Variants in MARCHF3 observed in about 807,000 individuals in gnomAD.
The protein encoded by MARCHF3 is membrane associated ring-CH-type finger 3.
In MARCHF3, 13 loss-of-function variants were observed where a neutral mutation model predicts 24.2. The ratio of observed to expected loss-of-function variants is 0.54; its 90% confidence interval spans 0.35 to 0.85. MARCHF3 has a LOEUF of 0.85. Among genes scored for constraint, MARCHF3 ranks in the 40% least tolerant of loss-of-function variants. The probability of loss-of-function intolerance (pLI) is 0.01; values close to 1 mark genes in which losing one functional copy is unlikely to be tolerated. For synonymous variants in MARCHF3, 144 were observed against 137.3 expected, an observed-to-expected ratio of 1.05 and a Z score of -0.34; for missense variants, 276 against 325.0, an observed-to-expected ratio of 0.85 and a Z score of 1.16.
intron 1 of MARCHF3, among the ~76,000 whole-genome samples, chr5:126,959,674 C>G (rs1414355040): frequency 6.6e-6 from 1 of 152,076 alleles, no homozygotes; most frequent in East Asian, 1.9e-4. Flanking sequence ...GGGAAAATCC[C>G]TGTAATATCT....
At chr5:126,906,173 A>G (rs531731117) in intron 3 of MARCHF3, among the ~76,000 whole-genome samples, 2 of 151,030 alleles carry the variant, frequency 1.3e-5, no homozygotes, top group African/African-American at 2.4e-5. Flanking sequence ...AGCCCACTTG[A>G]TCATGGTGGA....
intron 3 of MARCHF3, among the ~76,000 whole-genome samples, chr5:126,909,079 C>T (rs1182138969): frequency 1.4e-4 from 22 of 152,158 alleles, no homozygotes; most frequent in Non-Finnish European, 2.2e-4. Context: ...AGTACCCGGC[C>T]GTGTGAGGTG....
intron 1 of MARCHF3, among the ~76,000 whole-genome samples, chr5:126,994,283 T>C (rs1296769198): frequency 6.6e-6 from 1 of 152,186 alleles, no homozygotes; most frequent in African/African-American, 2.4e-5. Flanking sequence ...TCCATTTATA[T>C]GACATCTTGG....
At chr5:126,969,312 C>T (rs1750919963) in intron 1 of MARCHF3, among the ~76,000 whole-genome samples, 4 of 152,134 alleles carry the variant, frequency 2.6e-5, no homozygotes, top group Admixed American at 6.5e-5. Context: ...TTTTGGTCTA[C>T]TTTAGGGTTT....
At position 126,869,252 on chromosome 5, in the gene MARCHF3, T is replaced by C. The variant is rs1752878306; in HGVS notation, c.*1381A>G. The C allele has an allele frequency of 6.6e-6, 1 of 152,206 alleles. No homozygotes were observed. The highest frequency in any genetic ancestry group is 1.5e-5 in the Non-Finnish European group (1 of 68,044). 9.4% of individuals were successfully genotyped at this position (152,206 alleles called of 1,614,324 possible). A position where few individuals can be genotyped will look rare whatever the true frequency, so the allele number is the denominator to read the frequency against. ...GATACTCAGAATGTGGGTCATGTTC[T>C]AGAATTCCATATTTTAAGCATTCCG... is the stretch of plus-strand genomic sequence containing the variant. On this transcript the variant is annotated 3_prime_UTR_variant, in exon 5 of 5. Transcript: ENST00000308660.
intron 1 of MARCHF3, among the ~76,000 whole-genome samples, chr5:126,993,788 C>T (rs1460539817): frequency 2.0e-5 from 3 of 152,210 alleles, no homozygotes; most frequent in East Asian, 3.8e-4. Flanking sequence ...TGCAGCTGAG[C>T]CAGAACAACC....
At chr5:126,946,005 T>G (rs1328548565) in intron 1 of MARCHF3, among the ~76,000 whole-genome samples, 2 of 152,260 alleles carry the variant, frequency 1.3e-5, no homozygotes, top group Admixed American at 6.5e-5. Context: ...TCTGGTAGTC[T>G]AGGTCACTCT....
At chr5:126,891,435 G>A (rs1753686821) in intron 3 of MARCHF3, among the ~76,000 whole-genome samples, 1 of 91,788 alleles carries the variant, frequency 1.1e-5, no homozygotes, top group Non-Finnish European at 2.0e-5. Flanking sequence ...TAACGTTTAA[G>A]TCTTTAATCC....
intron 3 of MARCHF3, among the ~76,000 whole-genome samples, chr5:126,881,592 A>T: frequency 6.6e-6 from 1 of 152,208 alleles, no homozygotes; most frequent in East Asian, 1.9e-4. Context: ...TCAAATGCTA[A>T]TGTACATTTT....
intron 3 of MARCHF3, chr5:126,899,126 G>A: frequency 1.0e-6 from 1 of 985,114 alleles, no homozygotes; most frequent in East Asian, 1.1e-4. Flanking sequence ...CAATCTCACA[G>A]CGTTCCTATC....
chr5:126,875,704 C>T (rs1277451816), intron 4 of MARCHF3, among the ~76,000 whole-genome samples: 3 of 152,186 alleles, frequency 2.0e-5, no homozygotes, highest in Non-Finnish European at 4.4e-5. Context: ...TTCTTTCCCT[C>T]CTGCTACTTT....
chr5:127,005,376 T>C (rs1752272691), intron 1 of MARCHF3, among the ~76,000 whole-genome samples: 1 of 152,022 alleles, frequency 6.6e-6, no homozygotes, highest in African/African-American at 2.4e-5. Flanking sequence ...TGTCAAGTGA[T>C]CCACCCGCCT....
At chr5:127,008,061 T>G (rs1192418479) in intron 1 of MARCHF3, among the ~76,000 whole-genome samples, 2 of 152,042 alleles carry the variant, frequency 1.3e-5, no homozygotes, top group African/African-American at 4.8e-5. Context: ...ACAGAGGAGG[T>G]GCAAATGTCA....
chr5:126,873,893 T>G (rs552412808), intron 4 of MARCHF3, among the ~76,000 whole-genome samples: 1 of 152,342 alleles, frequency 6.6e-6, no homozygotes, highest in East Asian at 1.9e-4. Context: ...GGGTTAATGC[T>G]ACTTCTCTAG....
intron 3 of MARCHF3, among the ~76,000 whole-genome samples, chr5:126,878,812 G>A (rs114223228): frequency 2.2e-3 from 328 of 152,242 alleles, no homozygotes; most frequent in Middle Eastern, 6.8e-3. Flanking sequence ...CTCAAGCCCC[G>A]CACATTCCCA....
chr5:126,884,107 G>A (rs969164780), intron 3 of MARCHF3, among the ~76,000 whole-genome samples: 5 of 152,116 alleles, frequency 3.3e-5, no homozygotes, highest in African/African-American at 4.8e-5. Context: ...CTAAATTCTC[G>A]CTTATCTGGG....
chr5:126,972,483 G>T (rs1751052066), intron 1 of MARCHF3, among the ~76,000 whole-genome samples: 1 of 152,158 alleles, frequency 6.6e-6, no homozygotes, highest in African/African-American at 2.4e-5. Flanking sequence ...GAGGAGGTGA[G>T]ATGAGGTCAA....
At chr5:126,904,751 C>T (rs1754227999) in intron 3 of MARCHF3, among the ~76,000 whole-genome samples, 1 of 151,500 alleles carries the variant, frequency 6.6e-6, no homozygotes. Context: ...AAATTTTCTC[C>T]CATTCTGTAG....
intron 3 of MARCHF3, among the ~76,000 whole-genome samples, chr5:126,912,795 G>A (rs1054962010): frequency 2.8e-4 from 42 of 152,336 alleles, no homozygotes; most frequent in African/African-American, 9.4e-4. Context: ...TTCGCCATGG[G>A]ATGATCAAAC....
Sources: allele counts gnomAD v4.1 joint callset (sites outside exome capture counted in the v4.1 genomes callset), GRCh38; gene constraint gnomAD v4.1.1; transcripts MANE v1.5; gene names NCBI Gene and HGNC (gene_info 2026-07-23, HGNC 2026-07-21).